The following FHIT variants were observed in gnomAD, a reference collection of about 807,000 sequenced individuals.
FHIT encodes the protein bis(5'-adenosyl)-triphosphatase.
A neutral mutation model predicts 17.9 loss-of-function variants in FHIT; 19 were observed. That is an observed-to-expected ratio of 1.06 (90% CI 0.74 to 1.56). The LOEUF is 1.56. Among genes scored for constraint, FHIT ranks in the 40% most tolerant of loss-of-function variants. The probability of loss-of-function intolerance (pLI) is 0.00; values close to 1 mark genes in which losing one functional copy is unlikely to be tolerated. For missense variants in FHIT, 248 were observed against 189.2 expected (o/e 1.31, Z -1.82); for synonymous variants, 81 against 69.7 (o/e 1.16, Z -0.81).
intron 1 of FHIT, among the ~76,000 whole-genome samples, chr3:61,233,190 C>A (rs2040148266): frequency 6.6e-6 from 1 of 152,000 alleles, no homozygotes; most frequent in Admixed American, 6.6e-5. Context: ...ATCCCTAGAC[C>A]CAGAAATTCC....
At chr3:61,108,586 G>C (rs949692995) in intron 2 of FHIT, among the ~76,000 whole-genome samples, 3 of 152,202 alleles carry the variant, frequency 2.0e-5, no homozygotes, top group Non-Finnish European at 2.9e-5. Flanking sequence ...CTATCTCCTA[G>C]AGCACTTGAG....
chr3:59,880,371 G>T (rs1398720945), intron 8 of FHIT, among the ~76,000 whole-genome samples: 1 of 152,106 alleles, frequency 6.6e-6, no homozygotes, highest in East Asian at 1.9e-4. Context: ...TTTCAAAGTA[G>T]CCTCTACTAC....
intron 5 of FHIT, among the ~76,000 whole-genome samples, chr3:60,448,073 G>A (rs537160057): frequency 2.6e-5 from 4 of 152,246 alleles, no homozygotes; most frequent in South Asian, 2.1e-4. Flanking sequence ...GCTCAAGAAC[G>A]TAGCAGAAGC....
intron 5 of FHIT, among the ~76,000 whole-genome samples, chr3:60,135,704 T>C (rs1400813058): frequency 2.0e-5 from 3 of 152,136 alleles, no homozygotes; most frequent in Non-Finnish European, 4.4e-5. Flanking sequence ...AGCAGGAGCC[T>C]GCACAACCCC....
intron 3 of FHIT, among the ~76,000 whole-genome samples, chr3:60,890,671 TC>T (rs1309136529): frequency 3.3e-5 from 5 of 152,210 alleles, no homozygotes; most frequent in Non-Finnish European, 7.3e-5. Flanking sequence ...GAGCAGCTTT[TC>T]CAAATGAATT....
chr3:60,302,529 A>G (rs1246670598), intron 5 of FHIT, among the ~76,000 whole-genome samples: 1 of 152,142 alleles, frequency 6.6e-6, no homozygotes, highest in Non-Finnish European at 1.5e-5. Context: ...CAATTTAGTG[A>G]TCATCACAGT....
At chr3:60,730,153 G>C (rs2041998343) in intron 4 of FHIT, 1 of 447,524 alleles carries the variant, frequency 2.2e-6, no homozygotes, top group African/African-American at 2.1e-5. Context: ...AAGGACCACT[G>C]GGCTGTTTGT....
chr3:60,856,669 C>T (rs1703400552), intron 3 of FHIT: 1 of 152,144 alleles, frequency 6.6e-6, no homozygotes, highest in African/African-American at 2.4e-5. Context: ...TCTTCAGTGG[C>T]TCACTACTGC....
intron 4 of FHIT, among the ~76,000 whole-genome samples, chr3:60,557,248 T>C (rs944905859): frequency 3.3e-5 from 5 of 152,196 alleles, no homozygotes; most frequent in African/African-American, 4.8e-5. Flanking sequence ...CCGAGATTTG[T>C]ACCCAGGTAT....
At chr3:61,100,913 C>A (rs139456145) in intron 2 of FHIT, among the ~76,000 whole-genome samples, 140 of 151,806 alleles carry the variant, frequency 9.2e-4, no homozygotes, top group Middle Eastern at 3.4e-3. Flanking sequence ...GTTTGTTTGG[C>A]TTTTCCTGTA....
intron 4 of FHIT, among the ~76,000 whole-genome samples, chr3:60,739,903 A>T (rs926566004): frequency 6.6e-6 from 1 of 152,230 alleles, no homozygotes. Context: ...GTAGAAAGAT[A>T]CTGTTCCTGC....
At chr3:59,802,499 C>A (rs942511293) in intron 8 of FHIT, among the ~76,000 whole-genome samples, 1 of 152,156 alleles carries the variant, frequency 6.6e-6, no homozygotes, top group African/African-American at 2.4e-5. Flanking sequence ...GAAATTCCTT[C>A]TCCTGACTCA....
chr3:61,110,385 G>A (rs571722891), intron 2 of FHIT, among the ~76,000 whole-genome samples: 13 of 152,092 alleles, frequency 8.5e-5, no homozygotes, highest in African/African-American at 2.9e-4. Context: ...GCCATGAGAG[G>A]CCCTGCTAGA....
intron 5 of FHIT, among the ~76,000 whole-genome samples, chr3:60,354,619 G>C (rs1049911026): frequency 1.8e-5 from 2 of 113,490 alleles, no homozygotes; most frequent in African/African-American, 6.0e-5. Flanking sequence ...TTATTGAGAG[G>C]ATTAGCTCAC....
chr3:59,980,861 G>C (rs1708623471), intron 7 of FHIT, among the ~76,000 whole-genome samples: 1 of 152,166 alleles, frequency 6.6e-6, no homozygotes, highest in South Asian at 2.1e-4. Flanking sequence ...TATTACCTTA[G>C]AGCATCCCAA....
chr3:61,009,313 C>T (rs980671799), intron 3 of FHIT, among the ~76,000 whole-genome samples: 4 of 152,238 alleles, frequency 2.6e-5, no homozygotes, highest in African/African-American at 7.2e-5. Flanking sequence ...CTTTTGGGTT[C>T]CCTAATTCGT....
intron 5 of FHIT, among the ~76,000 whole-genome samples, chr3:60,379,731 A>G (rs1700721651): frequency 6.6e-6 from 1 of 152,184 alleles, no homozygotes; most frequent in African/African-American, 2.4e-5. Flanking sequence ...TAAGTTTTAG[A>G]GATCCATTTT....
intron 8 of FHIT, among the ~76,000 whole-genome samples, chr3:59,804,046 T>C (rs1250546816): frequency 6.6e-6 from 1 of 152,246 alleles, no homozygotes; most frequent in Non-Finnish European, 1.5e-5. Flanking sequence ...CAGTCTGCCA[T>C]CAGGCAAGAT....
rs1445143632 is a variant in FHIT at position 59,920,480 on chromosome 3, GGAGA to G, written c.348+1862_348+1865del. 5.3e-5 allele frequency among the ~76,000 whole-genome samples: 8 copies of G among 152,318 alleles called. No homozygotes were observed. The East Asian group carries it at 7.7e-4, about 15-fold the overall frequency. The stretch of plus-strand genomic sequence containing the variant: ...CAGACAAGGGCAAAGGAATAAGACA[GGAGA>G]GAGAGGCCATACACCAACCACAGCA... On this transcript the variant is annotated intron_variant, in intron 8 of 9. Coordinates refer to ENST00000492590, the MANE Select transcript of FHIT (RefSeq NM_002012.4).
Sources: allele counts gnomAD v4.1 joint callset (sites outside exome capture counted in the v4.1 genomes callset), GRCh38; gene constraint gnomAD v4.1.1; transcripts MANE v1.5; gene names NCBI Gene and HGNC (gene_info 2026-07-23, HGNC 2026-07-21).